Variants in DOCK2 observed in about 807,000 individuals in gnomAD.
The protein encoded by DOCK2 is dedicator of cytokinesis 2, also known as dedicator of cytokinesis protein 2.
Under a neutral mutation model 248.9 loss-of-function variants are expected in DOCK2, and 87 were observed. That is an observed-to-expected ratio of 0.35 (90% CI 0.29 to 0.42). The LOEUF (loss-of-function observed/expected upper bound fraction) is 0.42. DOCK2 is among the 10% of genes least tolerant of loss of function. DOCK2 has a pLI of 1.00. For synonymous variants in DOCK2, 805 were observed against 821.6 expected (o/e 0.98, Z 0.35); for missense variants, 1,747 against 2,300.2 (o/e 0.76, Z 4.92).
chr5:169,795,043 G>A (rs1296073035), intron 25 of DOCK2, among the ~76,000 whole-genome samples: 1 of 152,182 alleles, frequency 6.6e-6, no homozygotes, highest in Non-Finnish European at 1.5e-5. Flanking sequence ...CACATATACA[G>A]TAACAGTTCC....
intron 22 of DOCK2, among the ~76,000 whole-genome samples, chr5:169,720,658 C>T (rs1055729288): frequency 4.8e-4 from 73 of 152,206 alleles, no homozygotes; most frequent in African/African-American, 1.7e-3. Context: ...GGCTCCCCTT[C>T]CTACTGGAAG....
At chr5:169,798,744 G>T (rs1766803294) in intron 25 of DOCK2, among the ~76,000 whole-genome samples, 1 of 152,166 alleles carries the variant, frequency 6.6e-6, no homozygotes, top group African/African-American at 2.4e-5. Context: ...AATAGTGACT[G>T]GCACATAGTA....
chr5:169,962,613 T>G (rs1777138669), intron 27 of DOCK2, among the ~76,000 whole-genome samples: 1 of 152,098 alleles, frequency 6.6e-6, no homozygotes, highest in African/African-American at 2.4e-5. Context: ...CCATGGTGGG[T>G]TAGACAAAGA....
intron 39 of DOCK2, 60 bp downstream of exon 39, chr5:170,045,965 C>T: frequency 2.0e-6 from 3 of 1,526,264 alleles, no homozygotes; most frequent in Non-Finnish European, 2.7e-6. Flanking sequence ...GGCCTCAGCT[C>T]ACCCCAGATC....
intron 27 of DOCK2, among the ~76,000 whole-genome samples, chr5:169,881,170 A>G (rs867161545): frequency 3.3e-5 from 5 of 152,358 alleles, no homozygotes; most frequent in South Asian, 2.1e-4. Flanking sequence ...AGGGATGATT[A>G]CATCAAAAGG....
Position 170,076,104 on chromosome 5 carries a change from C to T in DOCK2, c.4866+20C>T. 7.1e-7 allele frequency: 1 copy of T among 1,410,912 alleles called. No homozygotes were observed. Among genetic ancestry groups the T allele is most frequent in the Non-Finnish European group, 9.8e-7 (1 of 1,019,160 alleles). The allele number at this position is 1,410,912 out of a possible 1,614,324, so 87.4% of individuals were successfully genotyped here. On this transcript the variant is annotated intron_variant, in intron 47 of 51. Transcript: ENST00000520908. ...GAGATGGTATGGGTGGTTCCTATGG[C>T]TTGGAGGGGTGGGATTGTGCAGGGT... is the stretch of plus-strand genomic sequence containing the variant.
At chr5:169,729,039 G>T (rs1561642941) in intron 22 of DOCK2, among the ~76,000 whole-genome samples, 1 of 152,222 alleles carries the variant, frequency 6.6e-6, no homozygotes, top group Non-Finnish European at 1.5e-5. Context: ...CCTTGCCTGA[G>T]AGCAAAGATG....
Position 169,745,896 on chromosome 5 carries a change from C to T in DOCK2, c.2268-1500C>T, listed in dbSNP as rs369129307. The stretch of plus-strand genomic sequence containing the variant: ...GCTCAGGAGTGAGCTGTGTAAAAGC[C>T]GGGGTGGGGGTGAGTTAGCAGAGGG... On this transcript the variant is annotated intron_variant, in intron 22 of 51. Coordinates refer to ENST00000520908, the MANE Select transcript of DOCK2 (RefSeq NM_004946.3). 4.3e-4 allele frequency among the ~76,000 whole-genome samples: 66 copies of T among 152,090 alleles called. 1 individual carries two copies. Among genetic ancestry groups the T allele is most frequent in the African/African-American group, 1.1e-3 (46 of 41,480 alleles).
chr5:170,003,025 G>A (rs554419219), intron 30 of DOCK2, among the ~76,000 whole-genome samples: 2 of 152,228 alleles, frequency 1.3e-5, no homozygotes, highest in Non-Finnish European at 2.9e-5. Context: ...TCGAGTCATT[G>A]TGCTGAGCAT....
intron 27 of DOCK2, among the ~76,000 whole-genome samples, chr5:169,871,145 T>C (rs1253887835): frequency 2.0e-5 from 3 of 152,146 alleles, no homozygotes; most frequent in Non-Finnish European, 4.4e-5. Context: ...AGTTTCTACC[T>C]CCAAATATCA....
chr5:170,064,229 G>A (rs1224340453), intron 44 of DOCK2, among the ~76,000 whole-genome samples: 2 of 152,036 alleles, frequency 1.3e-5, no homozygotes, highest in Non-Finnish European at 2.9e-5. Flanking sequence ...GACACTGAAG[G>A]AAAATGAAGA....
intron 22 of DOCK2, among the ~76,000 whole-genome samples, chr5:169,731,970 A>T (rs1475077503): frequency 6.6e-6 from 1 of 152,090 alleles, no homozygotes; most frequent in Non-Finnish European, 1.5e-5. Flanking sequence ...AACTACAAAA[A>T]TTAGTCTGGC....
At chr5:169,674,471 G>A (rs764064687) in intron 6 of DOCK2, 26 bp downstream of exon 6, 4 of 1,611,704 alleles carry the variant, frequency 2.5e-6, no homozygotes, top group East Asian at 4.5e-5. Flanking sequence ...TCTGCAAAGA[G>A]GTTTTCTTCC....
chr5:170,010,988 A>T (rs1210080623), intron 32 of DOCK2, among the ~76,000 whole-genome samples: 1 of 152,238 alleles, frequency 6.6e-6, no homozygotes, highest in African/African-American at 2.4e-5. Context: ...GAATGAAAAG[A>T]TGTTACCAAA....
chr5:169,854,584 G>A (rs1373720423), intron 27 of DOCK2, among the ~76,000 whole-genome samples: 1 of 152,262 alleles, frequency 6.6e-6, no homozygotes, highest in Admixed American at 6.5e-5. Context: ...GATGTGTGGA[G>A]GTGAAGATAT....
In DOCK2 at chr5:169,901,835, T is replaced by C. The variant is rs965230341; in HGVS notation, c.2799+60983T>C. Among the ~76,000 whole-genome samples, 3 of 152,218 alleles carry C rather than the reference T, an allele frequency of 2.0e-5. 1 individual carries two copies. Among genetic ancestry groups the C allele is most frequent in the Non-Finnish European group, 4.4e-5 (3 of 68,032 alleles). ...GACCCTCAGCCATGTGCTATGGTGT[T>C]ACCACCATGTTTGCTTGCATCTGTT... On this transcript the variant is annotated intron_variant, in intron 27 of 51. Transcript: ENST00000520908.
chr5:169,955,434 G>A (rs558601930), intron 27 of DOCK2, among the ~76,000 whole-genome samples: 30 of 152,260 alleles, frequency 2.0e-4, no homozygotes, highest in Non-Finnish European at 3.7e-4. Flanking sequence ...AGGAGGATGC[G>A]CCCCTGGACA....
chr5:169,802,112 C>A (rs1767033788), intron 25 of DOCK2, among the ~76,000 whole-genome samples: 1 of 152,080 alleles, frequency 6.6e-6, no homozygotes, highest in African/African-American at 2.4e-5. Context: ...CAGAAATTTC[C>A]CTGAAACAGC....
At chr5:169,984,826 T>C (rs1462375775) in intron 28 of DOCK2, among the ~76,000 whole-genome samples, 1 of 152,178 alleles carries the variant, frequency 6.6e-6, no homozygotes, top group East Asian at 1.9e-4. Context: ...ATTTTAAATT[T>C]TGCCTAAAGT....
Sources: gnomAD v4.1 joint callset for allele counts (sites outside exome capture counted in the v4.1 genomes callset) on GRCh38, gnomAD v4.1.1 for gene constraint, MANE v1.5 for transcripts, NCBI Gene and HGNC (gene_info 2026-07-23, HGNC 2026-07-21) for gene names.